ASCC3: variants seen among roughly 807,000 people sequenced by gnomAD.
ASCC3 encodes ASC-1 complex subunit P200.
Under a neutral mutation model 256.3 loss-of-function variants are expected in ASCC3, and 158 were observed. That is an observed-to-expected ratio of 0.62 (90% CI 0.54 to 0.70). The LOEUF (loss-of-function observed/expected upper bound fraction) is 0.70, where lower values mean the gene tolerates loss of function less well. Among genes scored for constraint, ASCC3 ranks in the 30% least tolerant of loss-of-function variants. The pLI, the probability that ASCC3 is intolerant of heterozygous loss-of-function variation, is 0.00. For synonymous variants in ASCC3, 948 were observed against 883.4 expected, an observed-to-expected ratio of 1.07 and a Z score of -1.30; for missense variants, 2,259 against 2,626.0, an observed-to-expected ratio of 0.86 and a Z score of 3.05.
intron 8 of ASCC3, among the ~76,000 whole-genome samples, chr6:100,793,432 A>G (rs1769447749): frequency 1.3e-5 from 2 of 152,048 alleles, no homozygotes. Context: ...GCTGTTTATT[A>G]TACTGTCACA....
At chr6:100,607,837 T>G (rs538618046) in intron 30 of ASCC3, among the ~76,000 whole-genome samples, 1 of 151,410 alleles carries the variant, frequency 6.6e-6, no homozygotes, top group African/African-American at 2.4e-5. Flanking sequence ...ACTGGTGTAT[T>G]TTTGTTTACT....
intron 24 of ASCC3, among the ~76,000 whole-genome samples, chr6:100,641,672 A>C (rs369795388): frequency 4.6e-5 from 7 of 152,260 alleles, no homozygotes; most frequent in South Asian, 2.1e-4. Flanking sequence ...GGGTATATAC[A>C]CAAAGGATTA....
intron 30 of ASCC3, among the ~76,000 whole-genome samples, chr6:100,617,511 G>C (rs1773728727): frequency 6.6e-6 from 1 of 152,138 alleles, no homozygotes; most frequent in Non-Finnish European, 1.5e-5. Flanking sequence ...AAATTACACA[G>C]TAAAACTTCT....
intron 25 of ASCC3, among the ~76,000 whole-genome samples, chr6:100,637,429 A>G (rs1411737917): frequency 6.6e-6 from 1 of 152,214 alleles, no homozygotes; most frequent in Non-Finnish European, 1.5e-5. Flanking sequence ...GCTTTGATGG[A>G]CATGTACAAA....
At chr6:100,558,339 G>A (rs1769731043) in intron 36 of ASCC3, among the ~76,000 whole-genome samples, 1 of 152,076 alleles carries the variant, frequency 6.6e-6, no homozygotes, top group Non-Finnish European at 1.5e-5. Flanking sequence ...AGAAATGGGT[G>A]ACCCTCAAAT....
chr6:100,652,014 A>G (rs184104406), intron 18 of ASCC3, among the ~76,000 whole-genome samples: 3 of 152,224 alleles, frequency 2.0e-5, no homozygotes, highest in East Asian at 3.9e-4. Context: ...CTGATCATGT[A>G]TCATAAAATT....
intron 25 of ASCC3, among the ~76,000 whole-genome samples, chr6:100,635,613 T>C (rs1241838601): frequency 2.0e-5 from 3 of 152,098 alleles, no homozygotes; most frequent in African/African-American, 7.2e-5. Flanking sequence ...AGATAACTAT[T>C]TGAAGTGATA....
chr6:100,561,299 T>A (rs1173042605), intron 36 of ASCC3, among the ~76,000 whole-genome samples: 1 of 152,116 alleles, frequency 6.6e-6, no homozygotes, highest in Non-Finnish European at 1.5e-5. Flanking sequence ...TTCTGATTCA[T>A]CAAAGAAATA....
intron 3 of ASCC3, among the ~76,000 whole-genome samples, chr6:100,860,611 A>G (rs926295069): frequency 6.6e-6 from 1 of 152,044 alleles, no homozygotes; most frequent in Non-Finnish European, 1.5e-5. Context: ...ATGGAGTAGA[A>G]AGATGCTCTG....
In ASCC3 at chr6:100,631,157, T is replaced by C; in HGVS notation, c.4179A>G (p.Lys1393=). 6.2e-7 allele frequency: 1 copy of C among 1,612,518 alleles called. No individual in the cohort carries two copies. The highest frequency in any genetic ancestry group is 8.5e-7 in the Non-Finnish European group (1 of 1,179,020). Residue 1393 remains lysine, a synonymous_variant, in exon 26 of 42, where the codon AAA becomes AAG. Transcript: ENST00000369162. ...TACCAAGTTTTTCTTCTATTCTAAC[T>C]TTCCAATCATCCATTCTTTCACGTA... The part of the protein sequence containing the change: ...ALVRERMDDW[K]VRIEEKLGKK...
At chr6:100,775,103 T>C (rs948283813) in intron 8 of ASCC3, among the ~76,000 whole-genome samples, 1 of 152,120 alleles carries the variant, frequency 6.6e-6, no homozygotes. Flanking sequence ...GAGCATCAAA[T>C]TACTGAATGA....
At chr6:100,658,976 T>C (rs1776055802) in intron 16 of ASCC3, among the ~76,000 whole-genome samples, 1 of 151,464 alleles carries the variant, frequency 6.6e-6, no homozygotes, top group African/African-American at 2.4e-5. Context: ...GTTAAGTGAC[T>C]TTATATATGG....
intron 16 of ASCC3, among the ~76,000 whole-genome samples, chr6:100,656,489 C>T (rs1014287862): frequency 6.6e-6 from 1 of 151,034 alleles, no homozygotes; most frequent in African/African-American, 2.4e-5. Context: ...GTAAACTTAA[C>T]CTATGGAAAA....
rs184820509 is a variant in ASCC3, at chr6:100,547,170, T to C, written c.5551-6783A>G. Among the ~76,000 whole-genome samples, 10 of 152,108 alleles carry C rather than the reference T, an allele frequency of 6.6e-5. No individual in the cohort carries two copies. The East Asian group carries it at 1.5e-3, about 23-fold the overall frequency. On this transcript the variant is annotated intron_variant, in intron 36 of 41. Transcript: ENST00000369162. ...TGGTAGTAGAATAACTGGGTATCCA[T>C]ATGGCAAAAAAGAATCAACTTCAAT...
At chr6:100,797,723 T>C (rs1769702698) in intron 8 of ASCC3, among the ~76,000 whole-genome samples, 2 of 152,058 alleles carry the variant, frequency 1.3e-5, no homozygotes, top group South Asian at 4.1e-4. Flanking sequence ...AGCGAGGCAC[T>C]TGGATTATAA....
rs574908910 is a variant in ASCC3 at position 100,755,928 on chromosome 6, T to TA, written c.1737+10636dup. ...CTATAGAAGTAACAAACCTTTTTTG[T>TA]AAAAAAATAGTAAACTTTTTTTAGT... On this transcript the variant is annotated intron_variant, in intron 10 of 41. Coordinates refer to ENST00000369162, the MANE Select transcript of ASCC3 (RefSeq NM_006828.4). 1.9e-3 allele frequency among the ~76,000 whole-genome samples: 294 copies of TA among 152,144 alleles called. 1 individual carries two copies. The highest frequency in any genetic ancestry group is 3.3e-3 in the Admixed American group (50 of 15,274).
rs1322053931 is a variant in ASCC3 at position 100,848,670 on chromosome 6, C to G, written c.279G>C (p.Gly93=). The G allele has an allele frequency of 6.2e-7, 1 of 1,613,522 alleles. No homozygotes were observed. The highest frequency in any genetic ancestry group is 2.2e-5 in the East Asian group (1 of 44,868). The change falls in exon 4 of 42, where the codon GGG becomes GGC. Residue 93 remains glycine (G), a synonymous_variant. Transcript: ENST00000369162. ...TDNGREAIES[G]AAFLFMTFHL... ...GAAATGTCATGAAGAGAAATGCAGCCCCACTTTCAATTGCTTCTCTCCCAT... is the reference window on the plus strand; with the variant it reads ...GAAATGTCATGAAGAGAAATGCAGCGCCACTTTCAATTGCTTCTCTCCCAT...
intron 34 of ASCC3, among the ~76,000 whole-genome samples, chr6:100,597,587 T>C (rs1289143918): frequency 6.6e-6 from 1 of 151,830 alleles, no homozygotes; most frequent in Non-Finnish European, 1.5e-5. Flanking sequence ...AGGGTTCTAC[T>C]TCAGAATAAT....
chr6:100,860,417 T>C (rs772646825), intron 3 of ASCC3, among the ~76,000 whole-genome samples: 6 of 151,882 alleles, frequency 4.0e-5, no homozygotes, highest in Non-Finnish European at 8.8e-5. Context: ...ATATACCACA[T>C]GTAAATTGTG....
Sources: allele counts gnomAD v4.1 joint callset (sites outside exome capture counted in the v4.1 genomes callset), GRCh38; gene constraint gnomAD v4.1.1; transcripts MANE v1.5; gene names NCBI Gene and HGNC (gene_info 2026-07-23, HGNC 2026-07-21).